The following PARD3 variants were observed in gnomAD, a reference collection of about 807,000 sequenced individuals.
The protein encoded by PARD3 is partitioning defective 3 homolog.
In PARD3, 75 loss-of-function variants were observed where a neutral mutation model predicts 155.4. The observed-to-expected ratio is 0.48, with a 90% CI of 0.40 to 0.58. PARD3 has a LOEUF of 0.58. Among genes scored for constraint, PARD3 ranks in the 20% least tolerant of loss-of-function variants. The pLI is 0.00. For synonymous variants in PARD3, 576 were observed against 610.5 expected, an observed-to-expected ratio of 0.94 and a Z score of 0.83; for missense variants, 1,642 against 1,721.7, an observed-to-expected ratio of 0.95 and a Z score of 0.82.
intron 5 of PARD3, among the ~76,000 whole-genome samples, chr10:34,429,678 C>T (rs981886137): frequency 2.0e-5 from 3 of 152,168 alleles, no homozygotes; most frequent in East Asian, 3.9e-4. Context: ...CTCCGCCTCC[C>T]GGGTTCAAGC....
chr10:34,350,242 G>T (rs573457281), intron 14 of PARD3, among the ~76,000 whole-genome samples: 1 of 152,134 alleles, frequency 6.6e-6, no homozygotes, highest in Non-Finnish European at 1.5e-5. Flanking sequence ...GGGCACCAGC[G>T]GCACTGAGGA....
At chr10:34,759,590 AG>A (rs761855591) in intron 1 of PARD3, among the ~76,000 whole-genome samples, 4 of 152,258 alleles carry the variant, frequency 2.6e-5, no homozygotes, top group Non-Finnish European at 1.5e-5. Context: ...AAGAGAGCAA[AG>A]AAAAAGTATT....
intron 1 of PARD3, among the ~76,000 whole-genome samples, chr10:34,789,150 G>A (rs560578937): frequency 6.6e-6 from 1 of 152,284 alleles, no homozygotes; most frequent in Admixed American, 6.5e-5. Context: ...TTATGGGCTG[G>A]GCACAGTGGC....
intron 1 of PARD3, among the ~76,000 whole-genome samples, chr10:34,768,836 G>A (rs1591026751): frequency 6.6e-6 from 1 of 152,324 alleles, no homozygotes; most frequent in African/African-American, 2.4e-5. Flanking sequence ...TCCCTGCTGA[G>A]CGCACTCAGG....
intron 22 of PARD3, among the ~76,000 whole-genome samples, chr10:34,150,738 G>A (rs1948738559): frequency 6.6e-6 from 1 of 152,166 alleles, no homozygotes; most frequent in Admixed American, 6.5e-5. Flanking sequence ...CTCAGGGGCT[G>A]CCAATCCAAT....
At chr10:34,643,883 C>A (rs1250798806) in intron 2 of PARD3, among the ~76,000 whole-genome samples, 3 of 152,186 alleles carry the variant, frequency 2.0e-5, no homozygotes, top group Non-Finnish European at 4.4e-5. Flanking sequence ...CACCACTGCA[C>A]TCTACCCTGG....
intron 20 of PARD3, among the ~76,000 whole-genome samples, chr10:34,299,743 A>G (rs1480768285): frequency 6.6e-6 from 1 of 152,142 alleles, no homozygotes; most frequent in Non-Finnish European, 1.5e-5. Context: ...TGCTATATAA[A>G]TTTTTCTGTT....
At chr10:34,116,516 T>G (rs1358281426) in intron 24 of PARD3, among the ~76,000 whole-genome samples, 1 of 152,178 alleles carries the variant, frequency 6.6e-6, no homozygotes, top group Non-Finnish European at 1.5e-5. Flanking sequence ...TTGCTTTCTT[T>G]CCCTTCCCTC....
At chr10:34,670,587 T>C (rs2093593167) in intron 2 of PARD3, among the ~76,000 whole-genome samples, 1 of 152,222 alleles carries the variant, frequency 6.6e-6, no homozygotes, top group South Asian at 2.1e-4. Context: ...GAGATTCTGA[T>C]TCAGCGAGTC....
intron 2 of PARD3, among the ~76,000 whole-genome samples, chr10:34,683,579 G>A (rs577119093): frequency 2.1e-4 from 32 of 150,356 alleles, no homozygotes; most frequent in African/African-American, 6.9e-4. Context: ...AGCACAGCGC[G>A]GCACACCAAG....
intron 22 of PARD3, among the ~76,000 whole-genome samples, chr10:34,215,157 G>T (rs1164995524): frequency 6.6e-6 from 1 of 152,164 alleles, no homozygotes; most frequent in Non-Finnish European, 1.5e-5. Flanking sequence ...TTCTTGGAAG[G>T]TATAAAATGG....
intron 1 of PARD3, among the ~76,000 whole-genome samples, chr10:34,706,012 G>A (rs2094356977): frequency 1.3e-5 from 2 of 152,042 alleles, no homozygotes; most frequent in Admixed American, 6.6e-5. Flanking sequence ...TGACTTTCAT[G>A]CCAACACAAA....
chr10:34,728,617 GTCTATT>G (rs1333008157), intron 1 of PARD3, among the ~76,000 whole-genome samples: 3 of 152,114 alleles, frequency 2.0e-5, no homozygotes, highest in African/African-American at 7.2e-5. Flanking sequence ...TCACATTGTT[GTCTATT>G]TCTAAGTGCT....
At chr10:34,809,516 G>A (rs967823507) in intron 1 of PARD3, among the ~76,000 whole-genome samples, 1 of 152,190 alleles carries the variant, frequency 6.6e-6, no homozygotes, top group African/African-American at 2.4e-5. Context: ...GGCTGTCTGG[G>A]CTAAGACTCA....
chr10:34,335,616 C>T (rs1836090638), intron 18 of PARD3, among the ~76,000 whole-genome samples: 1 of 151,964 alleles, frequency 6.6e-6, no homozygotes, highest in African/African-American at 2.4e-5. Context: ...GAATTTAGAA[C>T]AAGCTCACAA....
At chr10:34,578,830 G>A (rs1256519536) in intron 2 of PARD3, among the ~76,000 whole-genome samples, 1 of 152,146 alleles carries the variant, frequency 6.6e-6, no homozygotes, top group African/African-American at 2.4e-5. Context: ...ATACTAACTA[G>A]ACTTTTATGT....
intron 2 of PARD3, among the ~76,000 whole-genome samples, chr10:34,538,675 A>G (rs2133862254): frequency 6.6e-6 from 1 of 152,294 alleles, no homozygotes; most frequent in East Asian, 1.9e-4. Context: ...CTTGGTGAGG[A>G]GTGGAGGCCA....
intron 22 of PARD3, among the ~76,000 whole-genome samples, chr10:34,214,553 G>A (rs987260942): frequency 6.6e-6 from 1 of 152,096 alleles, no homozygotes; most frequent in Non-Finnish European, 1.5e-5. Context: ...AGAAGTGGCT[G>A]ATGCCTCTAA....
chr10:34,328,892 T>C (rs1418894564), intron 19 of PARD3, among the ~76,000 whole-genome samples: 2 of 152,202 alleles, frequency 1.3e-5, no homozygotes, highest in Non-Finnish European at 2.9e-5. Context: ...AAGACTGGTA[T>C]GCAAAAAATA....
Sources: allele counts gnomAD v4.1 joint callset (sites outside exome capture counted in the v4.1 genomes callset), GRCh38; gene constraint gnomAD v4.1.1; transcripts MANE v1.5; gene names NCBI Gene and HGNC (gene_info 2026-07-23, HGNC 2026-07-21).